Variants in UBAC2 observed in about 807,000 individuals in gnomAD.
UBAC2 encodes the protein ubiquitin-associated domain-containing protein 2.
In UBAC2, 26 loss-of-function variants were observed where a neutral mutation model predicts 44.0. That is an observed-to-expected ratio of 0.59 (90% CI 0.43 to 0.82). The LOEUF (loss-of-function observed/expected upper bound fraction) is 0.82, where lower values mean the gene tolerates loss of function less well. Among genes scored for constraint, UBAC2 ranks in the 40% least tolerant of loss-of-function variants. The pLI is 0.00. For missense variants in UBAC2, 329 were observed against 419.4 expected, an observed-to-expected ratio of 0.78 and a Z score of 1.88; for synonymous variants, 155 against 154.3, an observed-to-expected ratio of 1.00 and a Z score of -0.04.
At chr13:99,288,301 C>T (rs1343355154) in intron 4 of UBAC2, among the ~76,000 whole-genome samples, 1 of 152,156 alleles carries the variant, frequency 6.6e-6, no homozygotes, top group Non-Finnish European at 1.5e-5. Context: ...GCAGTAGGTG[C>T]CATGTGGGGC....
chr13:99,295,681 G>A lies in UBAC2; in HGVS notation c.390-18416G>A, dbSNP rs754331726. 6.8e-6 allele frequency: 11 copies of A among 1,614,038 alleles called. 1 individual carries two copies. Among genetic ancestry groups the A allele is most frequent in the South Asian group, 6.6e-5 (6 of 91,092 alleles). Reference sequence around the variant, plus strand: ...GTGTCTGAGCAAATACTAGAATCCAGACAAATATGCACACGCCTTTTGCAT... The same window carrying A: ...GTGTCTGAGCAAATACTAGAATCCAAACAAATATGCACACGCCTTTTGCAT... On this transcript the variant is annotated intron_variant, in intron 4 of 8. Transcript: ENST00000403766. This position sits in a 1 kb window ranked among gnomAD's most constrained non-coding sequence, Gnocchi z 4.1.
chr13:99,284,681 G>A (rs186547645), intron 4 of UBAC2, among the ~76,000 whole-genome samples: 5 of 152,244 alleles, frequency 3.3e-5, no homozygotes, highest in South Asian at 2.1e-4. Flanking sequence ...CTAGTCCATC[G>A]TCTGGTTCAG....
At chr13:99,372,027 A>C (rs938223016) in intron 8 of UBAC2, 2 of 152,182 alleles carry the variant, frequency 1.3e-5, no homozygotes, top group Non-Finnish European at 2.9e-5. Context: ...CTGCCAATTC[A>C]TCACCCCTCA....
At chr13:99,243,770 TA>T in intron 2 of UBAC2, 61 bp from the exon 3 acceptor site, 1 of 1,491,832 alleles carries the variant, frequency 6.7e-7, no homozygotes, top group Non-Finnish European at 9.0e-7. Context: ...ACAAATTTGC[TA>T]AGGAAGAGAC....
chr13:99,265,417 TG>T (rs1335428899), intron 4 of UBAC2, among the ~76,000 whole-genome samples: 1 of 152,262 alleles, frequency 6.6e-6, no homozygotes, highest in Non-Finnish European at 1.5e-5. Flanking sequence ...CAGACTGTGT[TG>T]GCTTACATCT....
At chr13:99,371,885 A>G (rs1020925943) in intron 8 of UBAC2, among the ~76,000 whole-genome samples, 2 of 152,240 alleles carry the variant, frequency 1.3e-5, no homozygotes, top group African/African-American at 2.4e-5. Context: ...AATAAATCCA[A>G]TAGTAGTTTG....
chr13:99,281,885 T>C (rs2043958680), intron 4 of UBAC2, among the ~76,000 whole-genome samples: 1 of 152,200 alleles, frequency 6.6e-6, no homozygotes, highest in Non-Finnish European at 1.5e-5. Flanking sequence ...GCGGTCTCAG[T>C]GGCCAGAGTG....
chr13:99,294,905 T>C (rs2044144581), intron 4 of UBAC2: 1 of 709,496 alleles, frequency 1.4e-6, no homozygotes, highest in Non-Finnish European at 2.3e-6. Flanking sequence ...GTTGTTCTCT[T>C]GGGCTTACTT....
chr13:99,319,970 A>C (rs1441977215), intron 6 of UBAC2, among the ~76,000 whole-genome samples: 2 of 152,206 alleles, frequency 1.3e-5, no homozygotes, highest in Non-Finnish European at 2.9e-5. Context: ...TTCTGTTTTA[A>C]ATATTTTCCA....
intron 4 of UBAC2, chr13:99,308,542 T>C (rs1456912949): frequency 6.6e-6 from 1 of 152,220 alleles, no homozygotes; most frequent in Admixed American, 6.5e-5. Context: ...CTTATTTAGA[T>C]GCTTGAGTAA....
At chr13:99,244,951 G>T (rs1188080293) in intron 4 of UBAC2, among the ~76,000 whole-genome samples, 1 of 151,818 alleles carries the variant, frequency 6.6e-6, no homozygotes, top group East Asian at 1.9e-4. Flanking sequence ...TCCTGCCTCA[G>T]CCTCCCAAGT....
intron 7 of UBAC2, among the ~76,000 whole-genome samples, chr13:99,359,987 G>A (rs1453257464): frequency 6.6e-6 from 1 of 152,218 alleles, no homozygotes. Context: ...AAGAAAGGGT[G>A]CATTTGTTTC....
chr13:99,305,100 A>G (rs950718080), intron 4 of UBAC2, among the ~76,000 whole-genome samples: 1 of 152,262 alleles, frequency 6.6e-6, no homozygotes, highest in Admixed American at 6.5e-5. Context: ...TAATAATAAA[A>G]CAATTTAGAC....
At chr13:99,282,702 G>A (rs1055181209) in intron 4 of UBAC2, among the ~76,000 whole-genome samples, 2 of 152,212 alleles carry the variant, frequency 1.3e-5, no homozygotes, top group Admixed American at 1.3e-4. Flanking sequence ...TTGTATTCAA[G>A]ATTCACTTCC....
At chr13:99,232,399 G>GAGATATATATAT (rs1367302629) in intron 1 of UBAC2, among the ~76,000 whole-genome samples, 10 of 109,962 alleles carry the variant, frequency 9.1e-5, no homozygotes, top group Non-Finnish European at 1.5e-4. Flanking sequence ...TTAGTTGAGA[G>GAGATATATATAT]ATATAGATAT....
intron 1 of UBAC2, among the ~76,000 whole-genome samples, chr13:99,227,666 T>C (rs1457797626): frequency 6.6e-6 from 1 of 152,166 alleles, no homozygotes; most frequent in Non-Finnish European, 1.5e-5. Context: ...TCTACCTTGT[T>C]TTGTTTGTTG....
intron 8 of UBAC2, among the ~76,000 whole-genome samples, chr13:99,371,024 A>G (rs1221741430): frequency 6.6e-6 from 1 of 152,186 alleles, no homozygotes; most frequent in African/African-American, 2.4e-5. Context: ...AGTGAGTCAC[A>G]TCCCTCATGG....
intron 4 of UBAC2, among the ~76,000 whole-genome samples, chr13:99,282,531 C>T (rs930969667): frequency 2.6e-5 from 4 of 152,032 alleles, no homozygotes; most frequent in Non-Finnish European, 5.9e-5. Flanking sequence ...TTGAGTGTGT[C>T]AAAATTTCCA....
intron 7 of UBAC2, among the ~76,000 whole-genome samples, chr13:99,361,799 T>C (rs2045268788): frequency 6.6e-6 from 1 of 151,686 alleles, no homozygotes; most frequent in Non-Finnish European, 1.5e-5. Context: ...GGATTGGGGG[T>C]AGGAGAACAG....
Sources: gnomAD v4.1 joint callset for allele counts (sites outside exome capture counted in the v4.1 genomes callset) on GRCh38, gnomAD v4.1.1 for gene constraint, Gnocchi (gnomAD v3.1) non-coding constraint, MANE v1.5 for transcripts, NCBI Gene and HGNC (gene_info 2026-07-23, HGNC 2026-07-21) for gene names.